Variants in SHISA6 observed in about 807,000 individuals in gnomAD.
The protein encoded by SHISA6 is protein shisa-6.
A neutral mutation model predicts 47.9 loss-of-function variants in SHISA6; 22 were observed. The observed-to-expected ratio is 0.46, with a 90% CI of 0.33 to 0.66. The LOEUF (loss-of-function observed/expected upper bound fraction) is 0.66, where lower values mean the gene tolerates loss of function less well. Ranked by LOEUF, SHISA6 falls within the 30% of genes least tolerant of loss-of-function variation. The pLI is 0.02. For missense variants in SHISA6, 680 were observed against 764.6 expected (o/e 0.89, Z 1.30); for synonymous variants, 388 against 337.8 (o/e 1.15, Z -1.63).
intron 3 of SHISA6, among the ~76,000 whole-genome samples, chr17:11,394,764 A>G (rs1240537751): frequency 2.0e-5 from 3 of 151,942 alleles, no homozygotes; most frequent in Non-Finnish European, 4.4e-5. Context: ...TACCCTTCGA[A>G]TTTTCCAAAT....
chr17:11,404,498 G>T (rs1011776795), intron 3 of SHISA6, among the ~76,000 whole-genome samples: 2 of 152,112 alleles, frequency 1.3e-5, no homozygotes, highest in African/African-American at 4.8e-5. Flanking sequence ...GACTCACATG[G>T]CAATTTCCTT....
intron 3 of SHISA6, among the ~76,000 whole-genome samples, chr17:11,422,569 T>A (rs529977727): frequency 6.6e-6 from 1 of 152,182 alleles, no homozygotes; most frequent in Admixed American, 6.5e-5. Flanking sequence ...CTGGCCAACA[T>A]AGTGAAATTC....
At chr17:11,382,461 TTCCTTCAGAGCAAAC>T (rs1400134800) in intron 3 of SHISA6, among the ~76,000 whole-genome samples, 1 of 152,180 alleles carries the variant, frequency 6.6e-6, no homozygotes, top group African/African-American at 2.4e-5. Flanking sequence ...CCATCCTCTC[TTCCTTCAGAGCAAAC>T]TAAGTTCAAC....
intron 3 of SHISA6, among the ~76,000 whole-genome samples, chr17:11,551,100 T>C (rs1045922735): frequency 7.2e-5 from 11 of 152,330 alleles, no homozygotes; most frequent in East Asian, 3.9e-4. Flanking sequence ...ATCAGATACA[T>C]GCAACAATGA....
intron 3 of SHISA6, among the ~76,000 whole-genome samples, chr17:11,440,774 C>G (rs1371951031): frequency 6.6e-6 from 1 of 152,020 alleles, no homozygotes; most frequent in East Asian, 2.0e-4. Context: ...GCTGCTATCA[C>G]TGGCCTGCTT....
chr17:11,421,670 T>C (rs1336936024), intron 3 of SHISA6, among the ~76,000 whole-genome samples: 1 of 152,234 alleles, frequency 6.6e-6, no homozygotes. Context: ...TCAGAGGCCT[T>C]CTGTCTTCCC....
At chr17:11,445,453 GATTA>G (rs1915202213) in intron 3 of SHISA6, among the ~76,000 whole-genome samples, 2 of 152,122 alleles carry the variant, frequency 1.3e-5, no homozygotes, top group South Asian at 2.1e-4. Flanking sequence ...AAATAACTCA[GATTA>G]ATTAAATATT....
At chr17:11,530,765 T>G (rs1042918745) in intron 3 of SHISA6, among the ~76,000 whole-genome samples, 12 of 152,198 alleles carry the variant, frequency 7.9e-5, no homozygotes, top group Admixed American at 2.0e-4. Context: ...TCCATACTCA[T>G]GAGGAAAAGA....
chr17:11,480,911 A>G (rs1263378130), intron 3 of SHISA6, among the ~76,000 whole-genome samples: 1 of 152,196 alleles, frequency 6.6e-6, no homozygotes, highest in Non-Finnish European at 1.5e-5. Context: ...GGCAGGGGGA[A>G]GTGAGTATAT....
chr17:11,397,882 G>C (rs1019285123), intron 3 of SHISA6, among the ~76,000 whole-genome samples: 25 of 152,210 alleles, frequency 1.6e-4, no homozygotes, highest in Non-Finnish European at 2.4e-4. Flanking sequence ...ATCCAAGGGA[G>C]ATTAGAGCCC....
At chr17:11,331,493 C>T (rs1911110526) in intron 2 of SHISA6, among the ~76,000 whole-genome samples, 1 of 151,926 alleles carries the variant, frequency 6.6e-6, no homozygotes, top group South Asian at 2.1e-4. Flanking sequence ...GTGATTTCTC[C>T]CTCCCTTCAG....
chr17:11,329,013 A>C (rs1226706630), intron 2 of SHISA6, among the ~76,000 whole-genome samples: 1 of 152,238 alleles, frequency 6.6e-6, no homozygotes, highest in Non-Finnish European at 1.5e-5. Flanking sequence ...CAATGCTTTA[A>C]TAAATAGTAC....
chr17:11,444,374 G>T (rs3111837), intron 3 of SHISA6, among the ~76,000 whole-genome samples: 120,701 of 152,160 alleles, frequency 0.79, 48,288 homozygotes, highest in African/African-American at 0.88. Context: ...TTTGTCTGTT[G>T]TGCTGTTACC....
intron 3 of SHISA6, among the ~76,000 whole-genome samples, chr17:11,515,378 T>G (rs957472018): frequency 7.0e-6 from 1 of 143,052 alleles, no homozygotes; most frequent in African/African-American, 2.7e-5. Context: ...GAGAAAATGC[T>G]CCAAATAACC....
chr17:11,282,986 C>T (rs185121254), intron 2 of SHISA6, among the ~76,000 whole-genome samples: 2 of 152,306 alleles, frequency 1.3e-5, no homozygotes, highest in Admixed American at 1.3e-4. Context: ...ATATGATTTG[C>T]TCCAGGATAG....
At chr17:11,460,446 C>T (rs2142313084) in intron 3 of SHISA6, among the ~76,000 whole-genome samples, 1 of 152,290 alleles carries the variant, frequency 6.6e-6, no homozygotes, top group South Asian at 2.1e-4. Flanking sequence ...GGCTGGAGTG[C>T]AATGGCATGA....
At chr17:11,443,123 C>T (rs185576314) in intron 3 of SHISA6, among the ~76,000 whole-genome samples, 2 of 152,330 alleles carry the variant, frequency 1.3e-5, no homozygotes, top group East Asian at 1.9e-4. Context: ...TTGTGACACA[C>T]GTACTTGACC....
intron 3 of SHISA6, among the ~76,000 whole-genome samples, chr17:11,437,175 G>A (rs1209750377): frequency 1.3e-5 from 2 of 152,192 alleles, no homozygotes; most frequent in Admixed American, 1.3e-4. Flanking sequence ...TGAATGAGCC[G>A]TGACCTCTGG....
intron 3 of SHISA6, among the ~76,000 whole-genome samples, chr17:11,462,556 C>T (rs922654025): frequency 3.9e-5 from 6 of 152,190 alleles, no homozygotes; most frequent in South Asian, 2.1e-4. Flanking sequence ...TCAATAAGAG[C>T]TTCCTCTACT....
Sources: gnomAD v4.1 joint callset for allele counts (sites outside exome capture counted in the v4.1 genomes callset) on GRCh38, gnomAD v4.1.1 for gene constraint, MANE v1.5 for transcripts, NCBI Gene and HGNC (gene_info 2026-07-23, HGNC 2026-07-21) for gene names.